Variants in DLGAP1 observed in about 807,000 individuals in gnomAD.
The protein encoded by DLGAP1 is disks large-associated protein 1.
In DLGAP1, 11 loss-of-function variants were observed where a neutral mutation model predicts 90.8. That is an observed-to-expected ratio of 0.12 (90% confidence interval 0.08 to 0.20). The LOEUF is 0.20. Among genes scored for constraint, DLGAP1 ranks in the 10% least tolerant of loss-of-function variants. The pLI is 1.00. For synonymous variants in DLGAP1, 558 were observed against 540.7 expected, an observed-to-expected ratio of 1.03 and a Z score of -0.44; for missense variants, 1,050 against 1,333.8, an observed-to-expected ratio of 0.79 and a Z score of 3.31.
At chr18:4,306,460 TGTGA>T (rs759198395) in intron 1 of DLGAP1, among the ~76,000 whole-genome samples, 83 of 51,548 alleles carry the variant, frequency 1.6e-3, no homozygotes, top group South Asian at 5.2e-3. Context: ...TGTGTGTGTG[TGTGA>T]GAGAGAGAGA....
intron 2 of DLGAP1, among the ~76,000 whole-genome samples, chr18:4,064,321 A>C (rs907824946): frequency 6.6e-6 from 1 of 152,002 alleles, no homozygotes; most frequent in Non-Finnish European, 1.5e-5. Flanking sequence ...TTCTCAGCCA[A>C]GGACATTCCA....
intron 1 of DLGAP1, among the ~76,000 whole-genome samples, chr18:4,321,718 A>G (rs888691803): frequency 1.3e-5 from 2 of 152,222 alleles, no homozygotes; most frequent in Admixed American, 6.5e-5. Flanking sequence ...GGCTACAAGA[A>G]CTTACTATAT....
intron 1 of DLGAP1, among the ~76,000 whole-genome samples, chr18:4,355,511 G>A (rs1192636170): frequency 6.6e-6 from 1 of 152,130 alleles, no homozygotes; most frequent in Non-Finnish European, 1.5e-5. Flanking sequence ...GAAGGTTCTG[G>A]ATCTTGATTA....
intron 1 of DLGAP1, among the ~76,000 whole-genome samples, chr18:4,384,458 A>T (rs2082191409): frequency 6.6e-6 from 1 of 152,122 alleles, no homozygotes; most frequent in African/African-American, 2.4e-5. Context: ...AATAGCAGGG[A>T]TTAGTTCATT....
intron 1 of DLGAP1, among the ~76,000 whole-genome samples, chr18:4,418,935 T>C (rs974380803): frequency 8.6e-5 from 13 of 151,858 alleles, no homozygotes; most frequent in Non-Finnish European, 7.4e-5. Context: ...GTATATCATA[T>C]TCAAACTGCT....
chr18:4,453,722 C>G (rs944422437), intron 1 of DLGAP1, among the ~76,000 whole-genome samples: 1 of 152,182 alleles, frequency 6.6e-6, no homozygotes, highest in Non-Finnish European at 1.5e-5. Flanking sequence ...AAAGATCTGT[C>G]TTTAATTGGT....
chr18:4,252,579 G>A (rs2078803446), intron 1 of DLGAP1, among the ~76,000 whole-genome samples: 1 of 152,194 alleles, frequency 6.6e-6, no homozygotes, highest in Non-Finnish European at 1.5e-5. Context: ...CAGCAGTCAT[G>A]ACTCTCTTAC....
intron 2 of DLGAP1, among the ~76,000 whole-genome samples, chr18:4,073,781 T>C (rs1186898160): frequency 6.6e-6 from 1 of 152,192 alleles, no homozygotes; most frequent in Non-Finnish European, 1.5e-5. Context: ...TCACCCTATT[T>C]TGGAGATCCT....
At chr18:4,185,270 T>C (rs1004864488) in intron 1 of DLGAP1, among the ~76,000 whole-genome samples, 3 of 152,058 alleles carry the variant, frequency 2.0e-5, no homozygotes, top group Non-Finnish European at 2.9e-5. Flanking sequence ...AGGTTTTTTT[T>C]TTTTAACTTT....
chr18:3,743,709 G>A (rs533917238), intron 5 of DLGAP1, among the ~76,000 whole-genome samples: 1 of 152,062 alleles, frequency 6.6e-6, no homozygotes, highest in Non-Finnish European at 1.5e-5. Context: ...GGAGTGCAGT[G>A]GCATGATCTT....
chr18:4,444,925 A>C (rs2083623731), intron 1 of DLGAP1, among the ~76,000 whole-genome samples: 1 of 152,208 alleles, frequency 6.6e-6, no homozygotes. Context: ...TAATTTGTCC[A>C]AAGTCGTCTA....
intron 2 of DLGAP1, among the ~76,000 whole-genome samples, chr18:4,020,638 A>T (rs1032008016): frequency 1.3e-5 from 2 of 152,314 alleles, no homozygotes; most frequent in Non-Finnish European, 2.9e-5. Context: ...CTAACCTCTC[A>T]GCTGTCCTTG....
chr18:4,266,070 G>C (rs201923775), intron 1 of DLGAP1, among the ~76,000 whole-genome samples: 1 of 152,068 alleles, frequency 6.6e-6, no homozygotes, highest in East Asian at 1.9e-4. Flanking sequence ...ATTAATCTCA[G>C]TGATATAATG....
At chr18:4,276,566 G>A (rs539302868) in intron 1 of DLGAP1, among the ~76,000 whole-genome samples, 37 of 151,510 alleles carry the variant, frequency 2.4e-4, no homozygotes, top group Non-Finnish European at 2.2e-4. Context: ...AACCCAGGAG[G>A]TAGAAGTTGC....
At chr18:4,354,603 CTT>C (rs1363359536) in intron 1 of DLGAP1, among the ~76,000 whole-genome samples, 2 of 152,010 alleles carry the variant, frequency 1.3e-5, no homozygotes. Flanking sequence ...ATGCTTTTCT[CTT>C]GTTAACCTGC....
intron 3 of DLGAP1, among the ~76,000 whole-genome samples, chr18:3,931,729 T>TAAA (rs1315596321): frequency 6.6e-6 from 1 of 152,212 alleles, no homozygotes; most frequent in Non-Finnish European, 1.5e-5. Context: ...AATGGCCCTT[T>TAAA]AGCGCCACCT....
At chr18:4,387,395 CGAT>C (rs2082251698) in intron 1 of DLGAP1, among the ~76,000 whole-genome samples, 1 of 151,942 alleles carries the variant, frequency 6.6e-6, no homozygotes, top group Non-Finnish European at 1.5e-5. Context: ...TGTGACCAGA[CGAT>C]GATTTTAAAA....
chr18:4,247,638 G>A (rs989331412), intron 1 of DLGAP1, among the ~76,000 whole-genome samples: 1 of 152,018 alleles, frequency 6.6e-6, no homozygotes, highest in Admixed American at 6.5e-5. Flanking sequence ...TTAGCCAGGC[G>A]TGGTGGCAGG....
At chr18:4,164,326 A>C (rs2076896971) in intron 1 of DLGAP1, among the ~76,000 whole-genome samples, 1 of 152,168 alleles carries the variant, frequency 6.6e-6, no homozygotes, top group Non-Finnish European at 1.5e-5. Flanking sequence ...ATTGAGATGA[A>C]CCAGATGGTT....
Sources: gnomAD v4.1 joint callset for allele counts (sites outside exome capture counted in the v4.1 genomes callset) on GRCh38, gnomAD v4.1.1 for gene constraint, MANE v1.5 for transcripts, NCBI Gene and HGNC (gene_info 2026-07-23, HGNC 2026-07-21) for gene names.